Variants in AHRR observed in about 807,000 individuals in gnomAD.
AHRR encodes the protein ahR repressor.
AHRR carries 28 observed loss-of-function variants against 44.0 expected under a neutral mutation model. That is an observed-to-expected ratio of 0.64 (90% CI 0.47 to 0.87). The LOEUF is 0.87. Ranked by LOEUF, AHRR falls within the 40% of genes least tolerant of loss-of-function variation. AHRR has a pLI of 0.00. For missense variants in AHRR, 990 were observed against 953.9 expected, an observed-to-expected ratio of 1.04 and a Z score of -0.50; for synonymous variants, 434 against 407.0, an observed-to-expected ratio of 1.07 and a Z score of -0.80.
rs1737126785 is a variant in AHRR, at chr5:437,281, C to T, written c.*2447C>T. On this transcript the variant is annotated 3_prime_UTR_variant, in exon 11 of 11. Coordinates refer to ENST00000684583, the MANE Select transcript of AHRR (RefSeq NM_001377236.1). Reference sequence around the variant, plus strand: ...GGAGTTCCCTGTTCTGAGGGCCAGCCACGTCCTGTGTCCTGGAGCTTAGCC... The same window carrying T: ...GGAGTTCCCTGTTCTGAGGGCCAGCTACGTCCTGTGTCCTGGAGCTTAGCC... The T allele has an allele frequency of 6.6e-6, 1 of 152,370 alleles. No individual in the cohort carries two copies. The highest frequency in any genetic ancestry group is 1.5e-5 in the Non-Finnish European group (1 of 68,050). The allele number at this position is 152,370 out of a possible 1,614,324, so 9.4% of individuals were successfully genotyped here.
At chr5:420,729 G>A (rs918324769) in intron 5 of AHRR, among the ~76,000 whole-genome samples, 2 of 149,486 alleles carry the variant, frequency 1.3e-5, no homozygotes, top group African/African-American at 2.5e-5. Flanking sequence ...GGCCCAGAAG[G>A]GACTGGGCAA....
chr5:368,079 T>C (rs1743430475), intron 3 of AHRR: 2 of 598,056 alleles, frequency 3.3e-6, no homozygotes, highest in Admixed American at 2.9e-5. Context: ...ACATAATAAA[T>C]TTACCTACGA....
At chr5:403,683 T>G (rs1346898540) in intron 4 of AHRR, 1 of 355,828 alleles carries the variant, frequency 2.8e-6, no homozygotes, top group Non-Finnish European at 4.4e-6. Flanking sequence ...TAAAATGGTA[T>G]TTTTTTTTTT....
chr5:423,554 GC>G (rs1251958596), intron 6 of AHRR, among the ~76,000 whole-genome samples: 20 of 151,006 alleles, frequency 1.3e-4, no homozygotes, highest in Admixed American at 1.1e-3. Flanking sequence ...AAACAGCAAA[GC>G]CCAGGCACCT....
rs1743539139 is a variant in AHRR, at chr5:370,543, G to A, written c.245-6067G>A. Among the ~76,000 whole-genome samples, 3 of 152,192 alleles carry A rather than the reference G, an allele frequency of 2.0e-5. No individual in the cohort carries two copies. Among genetic ancestry groups the A allele is most frequent in the Admixed American group, 2.0e-4 (3 of 15,284 alleles). ...ATCCGCCACCCCCAGGACCCTGAGA[G>A]TCTCACAGTGGGTGCAGCCCCAGGC... is the stretch of plus-strand genomic sequence containing the variant. On this transcript the variant is annotated intron_variant, in intron 3 of 10. Coordinates refer to ENST00000684583, the MANE Select transcript of AHRR (RefSeq NM_001377236.1). This position sits in a 1 kb window ranked among gnomAD's most constrained non-coding sequence, Gnocchi z 4.5.
intron 8 of AHRR, among the ~76,000 whole-genome samples, chr5:430,149 G>A (rs1490036416): frequency 1.3e-5 from 2 of 152,216 alleles, no homozygotes; most frequent in Non-Finnish European, 2.9e-5. Flanking sequence ...CTTGTGGTCC[G>A]ACTTTGAATT....
chr5:402,329 C>T (rs1158049076), intron 4 of AHRR, among the ~76,000 whole-genome samples: 1 of 151,130 alleles, frequency 6.6e-6, no homozygotes, highest in Non-Finnish European at 1.5e-5. Context: ...GACCCTCGTG[C>T]ACTGTTGGCG....
rs190693027 is a variant in AHRR at position 369,521 on chromosome 5, C to T, written c.245-7089C>T. Among the ~76,000 whole-genome samples the T allele has an allele frequency of 3.9e-5, 6 of 152,352 alleles. No individual in the cohort carries two copies. The East Asian group carries it at 1.2e-3, about 29-fold the overall frequency. The stretch of plus-strand genomic sequence containing the variant: ...GCCCGACTCAGGAGCTGAGGCCTCC[C>T]GCTGCACGAGCCCGGGCTCCCTCTG... On this transcript the variant is annotated intron_variant, in intron 3 of 10. Transcript: ENST00000684583.
intron 2 of AHRR, among the ~76,000 whole-genome samples, chr5:348,826 G>T (rs1742764968): frequency 6.6e-6 from 1 of 152,192 alleles, no homozygotes; most frequent in African/African-American, 2.4e-5. Flanking sequence ...AAGTCTGTAG[G>T]TTTTTATTTC....
At position 419,611 on chromosome 5, in the gene AHRR, G is replaced by C. The variant is rs185304066; in HGVS notation, c.442-3118G>C. Among the ~76,000 whole-genome samples the C allele has an allele frequency of 9.9e-5, 15 of 152,228 alleles. No homozygotes were observed. The highest frequency in any genetic ancestry group is 2.0e-4 in the Admixed American group (3 of 15,276). The stretch of plus-strand genomic sequence containing the variant: ...TGGCCCTAAAACGTGTCAAGAGCTC[G>C]CACAGGAGTGTTTGGAGCCATATTT... On this transcript the variant is annotated intron_variant, in intron 5 of 10. Transcript: ENST00000684583. This position sits in a 1 kb window ranked among gnomAD's most constrained non-coding sequence, Gnocchi z 4.4.
At position 404,908 on chromosome 5, in the gene AHRR, G is replaced by A. The variant is rs1228577110; in HGVS notation, c.352-8436G>A. Among the ~76,000 whole-genome samples the A allele has an allele frequency of 6.6e-6, 1 of 152,134 alleles. No homozygotes were observed. Among genetic ancestry groups the A allele is most frequent in the Non-Finnish European group, 1.5e-5 (1 of 68,032 alleles). ...AGTAGCAGGCTCAGTCCATTTTGAG[G>A]AGGCTGGCACGAGGCTGTCTTCACA... is the stretch of plus-strand genomic sequence containing the variant. On this transcript the variant is annotated intron_variant, in intron 4 of 10. Transcript: ENST00000684583. The surrounding 1 kb of genome is among the most constrained non-coding windows in gnomAD (Gnocchi z 4.1).
chr5:335,862 A>G (rs780621848), intron 1 of AHRR, among the ~76,000 whole-genome samples: 1 of 152,154 alleles, frequency 6.6e-6, no homozygotes, highest in African/African-American at 2.4e-5. Context: ...CCCCATGGCA[A>G]CTCTCATCTT....
rs1742229575 is a variant in AHRR at position 338,832 on chromosome 5, A to T, written c.-10-5061A>T. Among the ~76,000 whole-genome samples, 1 of 152,110 alleles carries T rather than the reference A, an allele frequency of 6.6e-6. No homozygotes were observed. On this transcript the variant is annotated intron_variant, in intron 1 of 10. Coordinates refer to ENST00000684583, the MANE Select transcript of AHRR (RefSeq NM_001377236.1). This position sits in a 1 kb window ranked among gnomAD's most constrained non-coding sequence, Gnocchi z 4.1. ...ACAATTCTCATTACATTTGGAAAAA[A>T]TTTCTGCTGTTTCTTACATTTTCTC... is the stretch of plus-strand genomic sequence containing the variant.
At chr5:374,732 A>T (rs1743717836) in intron 3 of AHRR, among the ~76,000 whole-genome samples, 2 of 152,134 alleles carry the variant, frequency 1.3e-5, no homozygotes, top group Non-Finnish European at 2.9e-5. Context: ...TCACCTCCTC[A>T]CTCGGGCCCT....
Position 324,057 on chromosome 5 carries a change from C to CTT in AHRR, c.-11+2239_-11+2240insTT, listed in dbSNP as rs1741613888. On this transcript the variant is annotated intron_variant, in intron 1 of 10. Transcript: ENST00000684583. Reference sequence around the variant, plus strand: ...TCTCTGTCTCTCTTTCTCTCTCTCTCTCTTTCTTTCCTTTTCTTTCGAGAC... The same window carrying CTT: ...TCTCTGTCTCTCTTTCTCTCTCTCTCTTTCTTTCTTTCCTTTTCTTTCGAGAC... Among the ~76,000 whole-genome samples the CTT allele has an allele frequency of 6.1e-5, 9 of 146,374 alleles. No homozygotes were observed. In the South Asian group the frequency reaches 1.7e-3, roughly 27 times the overall value.
At chr5:359,604 G>C (rs1743102131) in intron 3 of AHRR, among the ~76,000 whole-genome samples, 4 of 152,232 alleles carry the variant, frequency 2.6e-5, no homozygotes, top group Admixed American at 2.6e-4. Flanking sequence ...CTGTCAGGAT[G>C]ATGCTGCTCC....
At chr5:334,541 T>G (rs1337947227) in intron 1 of AHRR, among the ~76,000 whole-genome samples, 2 of 152,076 alleles carry the variant, frequency 1.3e-5, no homozygotes, top group Non-Finnish European at 2.9e-5. Context: ...TTCTGGTTTT[T>G]TTTAAAAAAT....
intron 4 of AHRR, among the ~76,000 whole-genome samples, chr5:397,640 C>T (rs1734791878): frequency 9.9e-6 from 1 of 101,518 alleles, no homozygotes; most frequent in Non-Finnish European, 1.9e-5. Flanking sequence ...CCTGACCATC[C>T]ACATAGCCCC....
intron 3 of AHRR, among the ~76,000 whole-genome samples, chr5:355,822 C>T (rs1445896385): frequency 6.6e-6 from 1 of 152,254 alleles, no homozygotes; most frequent in Non-Finnish European, 1.5e-5. Context: ...TCAGGGGCCA[C>T]CGGCTTACGA....
Sources: gnomAD v4.1 joint callset for allele counts (sites outside exome capture counted in the v4.1 genomes callset) on GRCh38, gnomAD v4.1.1 for gene constraint, Gnocchi (gnomAD v3.1) non-coding constraint, MANE v1.5 for transcripts, NCBI Gene and HGNC (gene_info 2026-07-23, HGNC 2026-07-21) for gene names.